The following FAM13A variants were observed in gnomAD, a reference collection of about 807,000 sequenced individuals.
FAM13A encodes protein FAM13A.
FAM13A carries 76 observed loss-of-function variants against 129.6 expected under a neutral mutation model. The observed-to-expected ratio is 0.59, with a 90% CI of 0.49 to 0.71. FAM13A has a LOEUF of 0.71. Among genes scored for constraint, FAM13A ranks in the 30% least tolerant of loss-of-function variants. FAM13A has a pLI of 0.00. For missense variants in FAM13A, 1,108 were observed against 1,249.3 expected, an observed-to-expected ratio of 0.89 and a Z score of 1.70; for synonymous variants, 443 against 449.9, an observed-to-expected ratio of 0.98 and a Z score of 0.20.
At chr4:88,782,657 T>C (rs1723175817) in intron 10 of FAM13A, among the ~76,000 whole-genome samples, 1 of 152,214 alleles carries the variant, frequency 6.6e-6, no homozygotes, top group South Asian at 2.1e-4. Context: ...CTCCATATTT[T>C]AGTCTTTTTT....
intron 4 of FAM13A, among the ~76,000 whole-genome samples, chr4:88,978,687 G>A (rs1015249902): frequency 6.6e-6 from 1 of 152,096 alleles, no homozygotes; most frequent in African/African-American, 2.4e-5. Context: ...CCAGCTGCTG[G>A]GGAGGCTGAG....
intron 1 of FAM13A, among the ~76,000 whole-genome samples, chr4:89,035,766 T>C (rs1373733942): frequency 6.6e-6 from 1 of 152,204 alleles, no homozygotes; most frequent in African/African-American, 2.4e-5. Context: ...TCTTCCTCTT[T>C]CTCTGGCCAT....
intron 3 of FAM13A, among the ~76,000 whole-genome samples, chr4:89,005,330 G>A (rs901199322): frequency 1.3e-5 from 2 of 152,124 alleles, no homozygotes; most frequent in African/African-American, 4.8e-5. Context: ...TGGCATTTAG[G>A]TTGATTCCAT....
intron 19 of FAM13A, among the ~76,000 whole-genome samples, chr4:88,745,742 C>T (rs567514050): frequency 1.0e-3 from 159 of 152,124 alleles, no homozygotes; most frequent in African/African-American, 3.6e-3. Flanking sequence ...GGTTCAATGC[C>T]TTCAAAAAAA....
intron 2 of FAM13A, among the ~76,000 whole-genome samples, chr4:89,027,671 G>A (rs988971691): frequency 6.6e-6 from 1 of 151,876 alleles, no homozygotes; most frequent in African/African-American, 2.4e-5. Context: ...TGGCATATCC[G>A]AATTGCCAGC....
intron 7 of FAM13A, among the ~76,000 whole-genome samples, chr4:88,807,628 G>T (rs909623944): frequency 6.6e-6 from 1 of 152,128 alleles, no homozygotes; most frequent in Non-Finnish European, 1.5e-5. Flanking sequence ...TGGCCAGTCT[G>T]CATTCCAGCA....
intron 6 of FAM13A, among the ~76,000 whole-genome samples, chr4:88,896,254 A>G (rs1746288249): frequency 8.1e-6 from 1 of 123,576 alleles, no homozygotes; most frequent in Non-Finnish European, 1.6e-5. Flanking sequence ...GGAACATCAC[A>G]CTCTGGGGAC....
chr4:88,876,646 C>A (rs1005000671), intron 6 of FAM13A, among the ~76,000 whole-genome samples: 2 of 152,070 alleles, frequency 1.3e-5, no homozygotes, highest in Non-Finnish European at 2.9e-5. Flanking sequence ...GGCTGGAGTG[C>A]AGTGGCTCAA....
At chr4:88,788,293 T>G (rs1724388750) in intron 9 of FAM13A, among the ~76,000 whole-genome samples, 1 of 152,172 alleles carries the variant, frequency 6.6e-6, no homozygotes, top group African/African-American at 2.4e-5. Context: ...ATAGTAGACC[T>G]ATTCTTACAA....
chr4:88,809,078 G>T (rs1729136466), intron 7 of FAM13A, among the ~76,000 whole-genome samples: 1 of 152,102 alleles, frequency 6.6e-6, no homozygotes, highest in South Asian at 2.1e-4. Flanking sequence ...CTCTTCATGA[G>T]TTACCCTAAT....
At chr4:88,967,645 T>C (rs1332516339) in intron 4 of FAM13A, among the ~76,000 whole-genome samples, 1 of 152,200 alleles carries the variant, frequency 6.6e-6, no homozygotes, top group Non-Finnish European at 1.5e-5. Context: ...GAGAATTCCA[T>C]GTGCCTTACA....
intron 1 of FAM13A, among the ~76,000 whole-genome samples, chr4:89,053,657 G>T (rs1771875300): frequency 6.6e-6 from 1 of 152,094 alleles, no homozygotes; most frequent in Non-Finnish European, 1.5e-5. Context: ...GCACCAGCAT[G>T]AACTGGGGAC....
chr4:88,946,815 T>C (rs893396931), intron 4 of FAM13A, among the ~76,000 whole-genome samples: 5 of 152,152 alleles, frequency 3.3e-5, no homozygotes, highest in African/African-American at 1.2e-4. Context: ...CCTAGTACAC[T>C]GTGTCCCCTT....
In FAM13A at chr4:88,732,681, T is replaced by C. The variant is rs925338744; in HGVS notation, c.2647-483A>G. 1.6e-4 allele frequency: 25 copies of C among 152,114 alleles called. 1 individual carries two copies. Among genetic ancestry groups the C allele is most frequent in the African/African-American group, 6.0e-4 (25 of 41,386 alleles). The allele number at this position is 152,114 out of a possible 1,614,324, so 9.4% of individuals were successfully genotyped here. A position where few individuals can be genotyped will look rare whatever the true frequency, so the allele number is the denominator to read the frequency against. On this transcript the variant is annotated intron_variant, in intron 21 of 23. Transcript: ENST00000264344. ...ATTTTCTGAAATAATACAACATTTCTATTTAAGAATTGAGATTAGAAAATA... is the reference window on the plus strand; with the variant it reads ...ATTTTCTGAAATAATACAACATTTCCATTTAAGAATTGAGATTAGAAAATA...
chr4:89,037,434 T>C (rs1769529762), intron 1 of FAM13A, among the ~76,000 whole-genome samples: 1 of 152,194 alleles, frequency 6.6e-6, no homozygotes, highest in African/African-American at 2.4e-5. Context: ...CTAACACCTG[T>C]ACCCCATTTT....
At chr4:88,734,258 A>G (rs1304337471) in intron 21 of FAM13A, among the ~76,000 whole-genome samples, 3 of 152,194 alleles carry the variant, frequency 2.0e-5, no homozygotes, top group East Asian at 1.9e-4. Flanking sequence ...TGGCTTCCCA[A>G]ATTTCTGCTG....
chr4:88,756,082 T>C (rs1008916060), intron 14 of FAM13A, among the ~76,000 whole-genome samples: 9 of 152,250 alleles, frequency 5.9e-5, no homozygotes, highest in Non-Finnish European at 1.2e-4. Flanking sequence ...ACATTCTAAT[T>C]ATGCAACTCT....
At chr4:89,048,643 TC>T (rs1560953341) in intron 1 of FAM13A, among the ~76,000 whole-genome samples, 1 of 152,180 alleles carries the variant, frequency 6.6e-6, no homozygotes, top group Non-Finnish European at 1.5e-5. Flanking sequence ...CTTGGTAACT[TC>T]CCGTCAAAAT....
At chr4:89,049,968 C>T (rs1771341388) in intron 1 of FAM13A, among the ~76,000 whole-genome samples, 1 of 152,168 alleles carries the variant, frequency 6.6e-6, no homozygotes, top group African/African-American at 2.4e-5. Flanking sequence ...TAGCCCAGAG[C>T]AAGAGGCAAG....
Sources: allele counts gnomAD v4.1 joint callset (sites outside exome capture counted in the v4.1 genomes callset), GRCh38; gene constraint gnomAD v4.1.1; transcripts MANE v1.5; gene names NCBI Gene and HGNC (gene_info 2026-07-23, HGNC 2026-07-21).